The following FRMD4A variants were observed in gnomAD, a reference collection of about 807,000 sequenced individuals.
The protein encoded by FRMD4A is FERM domain containing 4A.
A neutral mutation model predicts 129.1 loss-of-function variants in FRMD4A; 29 were observed. The ratio of observed to expected loss-of-function variants is 0.22; its 90% CI spans 0.17 to 0.31. The LOEUF (loss-of-function observed/expected upper bound fraction) is 0.31. FRMD4A is among the 10% of genes least tolerant of loss of function. FRMD4A has a pLI of 1.00. For synonymous variants in FRMD4A, 634 were observed against 571.6 expected (o/e 1.11, Z -1.56); for missense variants, 1,272 against 1,375.8 (o/e 0.92, Z 1.19).
At chr10:13,970,442 G>A (rs541244314) in intron 2 of FRMD4A, among the ~76,000 whole-genome samples, 3 of 152,258 alleles carry the variant, frequency 2.0e-5, no homozygotes, top group South Asian at 4.2e-4. Flanking sequence ...GGGGTGGAGC[G>A]AGGGGACGGG....
chr10:13,721,407 AG>A (rs2089393641), intron 12 of FRMD4A, among the ~76,000 whole-genome samples: 1 of 152,178 alleles, frequency 6.6e-6, no homozygotes, highest in Non-Finnish European at 1.5e-5. Flanking sequence ...GCTGGAATCC[AG>A]GAGGCAGAGG....
chr10:14,218,784 A>G (rs1461484632), intron 2 of FRMD4A, among the ~76,000 whole-genome samples: 5 of 151,754 alleles, frequency 3.3e-5, no homozygotes, highest in Non-Finnish European at 5.9e-5. Flanking sequence ...GTGAAACTCT[A>G]TCTCTACTAA....
intron 2 of FRMD4A, among the ~76,000 whole-genome samples, chr10:14,028,658 C>A (rs1007236175): frequency 6.6e-6 from 1 of 151,920 alleles, no homozygotes; most frequent in Non-Finnish European, 1.5e-5. Context: ...GGATGGAGAC[C>A]CCCATTTTCC....
chr10:13,953,484 G>C (rs1267738566), intron 2 of FRMD4A, among the ~76,000 whole-genome samples: 1 of 152,114 alleles, frequency 6.6e-6, no homozygotes, highest in East Asian at 1.9e-4. Context: ...ATGTCATTCT[G>C]AATAGTGTGA....
At chr10:14,111,904 G>A (rs938748091) in intron 2 of FRMD4A, among the ~76,000 whole-genome samples, 2 of 143,226 alleles carry the variant, frequency 1.4e-5, no homozygotes, top group African/African-American at 2.6e-5. Flanking sequence ...CTAATCCATT[G>A]TAGATACTCC....
intron 2 of FRMD4A, among the ~76,000 whole-genome samples, chr10:14,261,941 A>ACACAC (rs1844815970): frequency 1.6e-5 from 2 of 128,232 alleles, no homozygotes; most frequent in Admixed American, 8.0e-5. Flanking sequence ...CACCACACCA[A>ACACAC]ACACACACAC....
At chr10:14,176,466 CTTTTT>C (rs35347674) in intron 2 of FRMD4A, among the ~76,000 whole-genome samples, 1 of 72,832 alleles carries the variant, frequency 1.4e-5, no homozygotes, top group African/African-American at 5.1e-5. Flanking sequence ...TCACCTCCAT[CTTTTT>C]TTTTTTTTTT....
chr10:13,874,056 G>A lies in FRMD4A; in HGVS notation c.46-15144C>T, dbSNP rs184259192. ...GAGGTCAGGAGTTGAGACCAGCCTG[G>A]CCAACATGGTGAAACCTCGTCTCTA... On this transcript the variant is annotated intron_variant, in intron 2 of 24. Coordinates refer to ENST00000357447, the MANE Select transcript of FRMD4A (RefSeq NM_018027.5). 3.0e-3 allele frequency among the ~76,000 whole-genome samples: 455 copies of A among 149,252 alleles called. 2 individuals carry two copies. The highest frequency in any genetic ancestry group is 0.01 in the African/African-American group (419 of 40,890).
chr10:13,929,349 C>A (rs961628857), intron 2 of FRMD4A, among the ~76,000 whole-genome samples: 2 of 152,202 alleles, frequency 1.3e-5, no homozygotes, highest in African/African-American at 4.8e-5. Context: ...GCTGGAGGTA[C>A]AGCGTGCTAC....
chr10:13,671,997 C>T (rs1289430748), intron 16 of FRMD4A, among the ~76,000 whole-genome samples: 2 of 152,240 alleles, frequency 1.3e-5, no homozygotes, highest in Non-Finnish European at 2.9e-5. Flanking sequence ...GCCCAGCAGG[C>T]GGGAAAATCC....
chr10:13,913,049 G>C (rs1276129303), intron 2 of FRMD4A, among the ~76,000 whole-genome samples: 1 of 150,602 alleles, frequency 6.6e-6, no homozygotes, highest in African/African-American at 2.4e-5. Flanking sequence ...CCGTAGCCTG[G>C]GTAAGAAGAG....
At chr10:13,738,361 C>G (rs533415841) in intron 11 of FRMD4A, among the ~76,000 whole-genome samples, 2 of 152,286 alleles carry the variant, frequency 1.3e-5, no homozygotes, top group African/African-American at 4.8e-5. Flanking sequence ...CATCGATGGT[C>G]AGAGCCAGAG....
At chr10:14,216,442 G>C (rs1843078185) in intron 2 of FRMD4A, among the ~76,000 whole-genome samples, 1 of 152,132 alleles carries the variant, frequency 6.6e-6, no homozygotes, top group African/African-American at 2.4e-5. Flanking sequence ...AGTCTGAGGA[G>C]GGTGCATCAC....
rs867264497 is a variant in FRMD4A, at chr10:13,666,924, T to C, written c.1375-599A>G. ...TTCTTTTCTTTTCTTTTTTTTTTTTTTTTTTTGAGATGGATCTTGCTCTGT... is the reference window on the plus strand; with the variant it reads ...TTCTTTTCTTTTCTTTTTTTTTTTTCTTTTTTGAGATGGATCTTGCTCTGT... On this transcript the variant is annotated intron_variant, in intron 17 of 24. Transcript: ENST00000357447. Among the ~76,000 whole-genome samples the C allele has an allele frequency of 4.5e-3, 667 of 148,604 alleles. 3 individuals carry two copies. Among genetic ancestry groups the C allele is most frequent in the African/African-American group, 0.015 (601 of 40,266 alleles).
At chr10:13,992,190 A>T (rs2095605717) in intron 2 of FRMD4A, among the ~76,000 whole-genome samples, 1 of 152,196 alleles carries the variant, frequency 6.6e-6, no homozygotes, top group Admixed American at 6.5e-5. Context: ...TAACCACCTC[A>T]TCTCTGCCTA....
chr10:14,154,538 T>A (rs1287083480), intron 2 of FRMD4A, among the ~76,000 whole-genome samples: 1 of 152,152 alleles, frequency 6.6e-6, no homozygotes, highest in Non-Finnish European at 1.5e-5. Context: ...AAAAATACAA[T>A]CTCCTCATGC....
At chr10:14,194,808 T>A (rs188548804) in intron 2 of FRMD4A, among the ~76,000 whole-genome samples, 3 of 150,650 alleles carry the variant, frequency 2.0e-5, no homozygotes, top group Admixed American at 1.3e-4. Flanking sequence ...TATTAATCTA[T>A]ATTATTATCA....
chr10:14,067,630 A>G (rs1835124882), intron 2 of FRMD4A, among the ~76,000 whole-genome samples: 1 of 151,924 alleles, frequency 6.6e-6, no homozygotes, highest in Non-Finnish European at 1.5e-5. Flanking sequence ...CAGCCTGGCC[A>G]ATATGGTGAA....
At chr10:14,316,825 C>T (rs922782857) in intron 2 of FRMD4A, among the ~76,000 whole-genome samples, 8 of 152,174 alleles carry the variant, frequency 5.3e-5, no homozygotes, top group African/African-American at 9.6e-5. Context: ...GAGCCACAGC[C>T]TAGGAACAAC....
Sources: allele counts gnomAD v4.1 joint callset (sites outside exome capture counted in the v4.1 genomes callset), GRCh38; gene constraint gnomAD v4.1.1; transcripts MANE v1.5; gene names NCBI Gene and HGNC (gene_info 2026-07-23, HGNC 2026-07-21).